Variants in LIN7A observed in about 807,000 individuals in gnomAD.
The protein encoded by LIN7A is lin-7 cell polarity scaffold A, also known as protein lin-7 homolog A.
Under a neutral mutation model 29.8 loss-of-function variants are expected in LIN7A, and 25 were observed. The ratio of observed to expected loss-of-function variants is 0.84; its 90% confidence interval spans 0.61 to 1.17. LIN7A has a LOEUF of 1.17. LIN7A is among the 50% of genes most tolerant of loss of function. The pLI is 0.00. For synonymous variants in LIN7A, 118 were observed against 107.5 expected (o/e 1.10, Z -0.60); for missense variants, 239 against 287.0 (o/e 0.83, Z 1.21).
intron 2 of LIN7A, among the ~76,000 whole-genome samples, chr12:80,852,919 G>A (rs1401486161): frequency 2.6e-5 from 4 of 152,146 alleles, no homozygotes; most frequent in African/African-American, 4.8e-5. Context: ...TACTCTCGTG[G>A]TGCAAGTGCT....
At chr12:80,933,880 G>A (rs544350196) in intron 1 of LIN7A, among the ~76,000 whole-genome samples, 29 of 152,154 alleles carry the variant, frequency 1.9e-4, no homozygotes, top group Admixed American at 1.2e-3. Context: ...CTTGGCACTT[G>A]TAGTTGTTTA....
intron 1 of LIN7A, chr12:80,935,838 C>T (rs772994683): frequency 2.1e-6 from 1 of 479,838 alleles, no homozygotes; most frequent in East Asian, 5.7e-5. Flanking sequence ...CAAGAGCAAA[C>T]TTTAAAAATA....
At chr12:80,915,646 G>T (rs1413630718) in intron 1 of LIN7A, among the ~76,000 whole-genome samples, 1 of 152,158 alleles carries the variant, frequency 6.6e-6, no homozygotes, top group Admixed American at 6.5e-5. Context: ...TGGTGGATTG[G>T]ATAAAGAATA....
intron 1 of LIN7A, among the ~76,000 whole-genome samples, chr12:80,924,587 G>A (rs1194327068): frequency 1.3e-5 from 2 of 152,130 alleles, no homozygotes; most frequent in Non-Finnish European, 2.9e-5. Context: ...AGGTTATATG[G>A]CTAGGATGAA....
At chr12:80,839,414 A>G (rs1218342768) in intron 4 of LIN7A, among the ~76,000 whole-genome samples, 4 of 152,182 alleles carry the variant, frequency 2.6e-5, no homozygotes, top group Admixed American at 6.5e-5. Context: ...TAATGAATTC[A>G]TTATGTAGAG....
At chr12:80,858,399 A>T (rs1873705698) in intron 2 of LIN7A, among the ~76,000 whole-genome samples, 1 of 152,170 alleles carries the variant, frequency 6.6e-6, no homozygotes, top group Non-Finnish European at 1.5e-5. Context: ...AGTTCACATC[A>T]AATAACTTGT....
chr12:80,883,945 C>G (rs1380738867), intron 2 of LIN7A, among the ~76,000 whole-genome samples: 1 of 152,034 alleles, frequency 6.6e-6, no homozygotes, highest in Non-Finnish European at 1.5e-5. Context: ...TCACTGGGGA[C>G]CAGGAGCACT....
At chr12:80,906,241 G>A (rs1876467868) in intron 1 of LIN7A, among the ~76,000 whole-genome samples, 1 of 152,152 alleles carries the variant, frequency 6.6e-6, no homozygotes, top group Non-Finnish European at 1.5e-5. Flanking sequence ...AGTCACTCCA[G>A]GTCTTTGAAA....
At chr12:80,898,999 C>T (rs780005977) in intron 1 of LIN7A, among the ~76,000 whole-genome samples, 4 of 152,218 alleles carry the variant, frequency 2.6e-5, no homozygotes, top group South Asian at 2.1e-4. Context: ...CCTCATTGCT[C>T]GGGCTAATCC....
intron 1 of LIN7A, among the ~76,000 whole-genome samples, chr12:80,925,528 T>G (rs1425562993): frequency 6.6e-6 from 1 of 152,248 alleles, no homozygotes; most frequent in African/African-American, 2.4e-5. Flanking sequence ...ATGTCAGGCC[T>G]GTTCTATGTG....
chr12:80,872,310 T>C (rs1386293868), intron 2 of LIN7A, among the ~76,000 whole-genome samples: 1 of 152,250 alleles, frequency 6.6e-6, no homozygotes. Context: ...CCCTCAGCTA[T>C]AATGATGAGC....
intron 2 of LIN7A, among the ~76,000 whole-genome samples, chr12:80,875,499 A>G (rs1305940958): frequency 6.6e-6 from 1 of 152,240 alleles, no homozygotes; most frequent in African/African-American, 2.4e-5. Flanking sequence ...GCAAATACAT[A>G]AAGAACCCTG....
intron 1 of LIN7A, chr12:80,936,681 C>T (rs556095497): frequency 6.6e-6 from 1 of 152,454 alleles, no homozygotes; most frequent in Admixed American, 6.5e-5. Context: ...GGTATAACCC[C>T]ACAGGGGTGC....
intron 5 of LIN7A, among the ~76,000 whole-genome samples, chr12:80,807,081 T>TTTGTTTG (rs1555221381): frequency 7.4e-6 from 1 of 135,582 alleles, no homozygotes; most frequent in South Asian, 2.3e-4. Context: ...TTTTTTTTTT[T>TTTGTTTG]TTTTTTTTTT....
chr12:80,817,267 GCT>G (rs59438077), intron 4 of LIN7A, among the ~76,000 whole-genome samples: 1 of 151,980 alleles, frequency 6.6e-6, no homozygotes, highest in Non-Finnish European at 1.5e-5. Flanking sequence ...CATGACATGT[GCT>G]CTCTCTCTCC....
intron 2 of LIN7A, among the ~76,000 whole-genome samples, chr12:80,883,749 A>G (rs1875187613): frequency 6.6e-6 from 1 of 152,226 alleles, no homozygotes; most frequent in South Asian, 2.1e-4. Flanking sequence ...AAAAAATACA[A>G]TTTTAGAGAA....
At chr12:80,828,163 A>C (rs2121525975) in intron 4 of LIN7A, among the ~76,000 whole-genome samples, 1 of 152,314 alleles carries the variant, frequency 6.6e-6, no homozygotes, top group South Asian at 2.1e-4. Context: ...TTTTTGAGTC[A>C]ATTTGGCAAT....
rs754724705 is a variant in LIN7A at position 80,937,695 on chromosome 12, G to A, written c.28C>T (p.Pro10Ser). 2.1e-5 allele frequency: 32 copies of A among 1,550,110 alleles called. No homozygotes were observed. The South Asian group carries it at 2.5e-4, about 12-fold the overall frequency. ...GTCAATGTCGCCATGTCTGCCGTGG[G>A]AGCCGAAGTGACGCTCGGCTTCAGC... is the stretch of plus-strand genomic sequence containing the variant. MLKPSVTSA[P>S]TADMATLTVV... The change falls in exon 1 of 6, where the codon CCC becomes TCC. Residue 10 changes from proline (P) to serine (S), a missense_variant. Coordinates refer to ENST00000552864, the MANE Select transcript of LIN7A (RefSeq NM_004664.4).
chr12:80,935,945 A>G, intron 1 of LIN7A: 1 of 256,350 alleles, frequency 3.9e-6, no homozygotes, highest in Middle Eastern at 1.7e-3. Flanking sequence ...TATTAGTAGT[A>G]GTGGTAGTAT....
Sources: allele counts gnomAD v4.1 joint callset (sites outside exome capture counted in the v4.1 genomes callset), GRCh38; gene constraint gnomAD v4.1.1; transcripts MANE v1.5; gene names NCBI Gene and HGNC (gene_info 2026-07-23, HGNC 2026-07-21).